PPEF2: variants seen among roughly 807,000 people sequenced by gnomAD.
PPEF2 encodes protein phosphatase with EF-hand domain 2.
PPEF2 carries 84 observed loss-of-function variants against 84.7 expected under a neutral mutation model. The observed-to-expected ratio is 0.99, with a 90% CI of 0.83 to 1.19. The LOEUF (loss-of-function observed/expected upper bound fraction) is 1.19, where lower values mean the gene tolerates loss of function less well. PPEF2 is among the 50% of genes most tolerant of loss of function. PPEF2 has a pLI of 0.00. For synonymous variants in PPEF2, 346 were observed against 345.2 expected, an observed-to-expected ratio of 1.00 and a Z score of -0.03; for missense variants, 924 against 937.5, an observed-to-expected ratio of 0.99 and a Z score of 0.19.
Position 75,890,966 on chromosome 4 carries a change from T to A in PPEF2, c.241+682A>T, listed in dbSNP as rs1724862687. ...GGGAGGCCGAGGCAGGTGGATCGCT[T>A]GAGGCCAGGAGTTCAAGACCAGCCT... On this transcript the variant is annotated intron_variant, in intron 4 of 16. Coordinates refer to ENST00000286719, the MANE Select transcript of PPEF2 (RefSeq NM_006239.3). Among the ~76,000 whole-genome samples, 3 of 152,084 alleles carry A rather than the reference T, an allele frequency of 2.0e-5. No individual in the cohort carries two copies. The South Asian group carries it at 6.2e-4, about 32-fold the overall frequency.
intron 2 of PPEF2, among the ~76,000 whole-genome samples, chr4:75,893,554 C>T (rs1724941254): frequency 6.6e-6 from 1 of 152,132 alleles, no homozygotes; most frequent in South Asian, 2.1e-4. Flanking sequence ...AGGGCTGGTG[C>T]TACAGATTCT....
In PPEF2 at chr4:75,900,175, G is replaced by A. The variant is rs368027839; in HGVS notation, c.-59+2055C>T. 1.2e-4 allele frequency among the ~76,000 whole-genome samples: 18 copies of A among 152,296 alleles called. 1 individual carries two copies. The highest frequency in any genetic ancestry group is 4.1e-4 in the African/African-American group (17 of 41,562). On this transcript the variant is annotated intron_variant, in intron 1 of 16. Transcript: ENST00000286719. ...ATTTCAATGCTGCATGAATCAGCAG[G>A]ATGGATACTGATTATTGCTGGGTCA...
At chr4:75,889,933 C>T (rs779571578) in intron 5 of PPEF2, 24 bp downstream of exon 5, 3 of 1,612,858 alleles carry the variant, frequency 1.9e-6, no homozygotes, top group South Asian at 1.1e-5. Context: ...TTGGTAGTGA[C>T]CCAGGTTCCC....
At chr4:75,894,372 A>T (rs1271715371) in intron 2 of PPEF2, among the ~76,000 whole-genome samples, 5 of 151,824 alleles carry the variant, frequency 3.3e-5, no homozygotes, top group Admixed American at 2.0e-4. Flanking sequence ...TTTAAGGAAA[A>T]TAGAGAGCCT....
intron 13 of PPEF2, among the ~76,000 whole-genome samples, chr4:75,868,315 C>CAAAAAAA (rs10646136): frequency 0.025 from 1,393 of 55,222 alleles, 87 homozygotes; most frequent in East Asian, 0.042. Context: ...GACCCTGTCT[C>CAAAAAAA]AAAAAAAAAA....
chr4:75,888,915 T>TA (rs1426396210), intron 5 of PPEF2, among the ~76,000 whole-genome samples: 2 of 152,178 alleles, frequency 1.3e-5, no homozygotes, highest in Non-Finnish European at 2.9e-5. Flanking sequence ...ATGATTATTT[T>TA]AAAAAACAAG....
At chr4:75,887,063 T>G (rs72651343) in intron 6 of PPEF2, among the ~76,000 whole-genome samples, 165 bp from the exon 7 acceptor site, 1 of 152,200 alleles carries the variant, frequency 6.6e-6, no homozygotes, top group African/African-American at 2.4e-5. Flanking sequence ...ATTGCAGAGA[T>G]AGTATTGAAA....
intron 10 of PPEF2, chr4:75,882,083 T>C (rs973554131): frequency 6.6e-6 from 1 of 152,208 alleles, no homozygotes; most frequent in Non-Finnish European, 1.5e-5. Context: ...AATAGAAATC[T>C]ATTGTTATTG....
chr4:75,895,548 A>G (rs1057479967), intron 2 of PPEF2, among the ~76,000 whole-genome samples: 1 of 151,674 alleles, frequency 6.6e-6, no homozygotes, highest in African/African-American at 2.4e-5. Flanking sequence ...CCTGGTCAAC[A>G]TGGTGAAACC....
In PPEF2 at chr4:75,864,822, G is replaced by A. The variant is rs115172724; in HGVS notation, c.1921-295C>T. Among the ~76,000 whole-genome samples, 1,465 of 152,072 alleles carry A rather than the reference G, an allele frequency of 9.6e-3. 28 individuals are homozygous for A. The highest frequency in any genetic ancestry group is 0.033 in the African/African-American group (1,385 of 41,464). ...AATGTTGTGAATTTTGGATTTTTTC[G>A]GACATTGTAATATTTACATGTACAT... On this transcript the variant is annotated intron_variant, in intron 15 of 16. Transcript: ENST00000286719.
At position 75,860,374 on chromosome 4, in the gene PPEF2, A is replaced by C. The variant is rs1723964423; in HGVS notation, c.*293T>G. ...ACGTATAAAATGAAAACAATGAGAG[A>C]GTTACATTGTCAGTGGTTCTTAACT... On this transcript the variant is annotated 3_prime_UTR_variant, in exon 17 of 17. Coordinates refer to ENST00000286719, the MANE Select transcript of PPEF2 (RefSeq NM_006239.3). 1 of 384,922 alleles carries C rather than the reference A, an allele frequency of 2.6e-6. No individual in the cohort carries two copies. The highest frequency in any genetic ancestry group is 2.0e-5 in the African/African-American group (1 of 49,398). The allele number at this position is 384,922 out of a possible 1,614,324, so 23.8% of individuals were successfully genotyped here.
intron 10 of PPEF2, chr4:75,882,127 C>T (rs929428190): frequency 6.6e-6 from 1 of 152,166 alleles, no homozygotes; most frequent in Admixed American, 6.5e-5. Context: ...ACTCTTCCAC[C>T]TCCAACCCCA....
chr4:75,867,727 C>A (rs1478122802), intron 13 of PPEF2, among the ~76,000 whole-genome samples: 1 of 152,164 alleles, frequency 6.6e-6, no homozygotes, highest in East Asian at 1.9e-4. Context: ...TAAAATGGTA[C>A]CTGTCTCCAC....
Position 75,893,453 on chromosome 4 carries a change from G to A in PPEF2, c.56-1475C>T, listed in dbSNP as rs142665888. On this transcript the variant is annotated intron_variant, in intron 2 of 16. Coordinates refer to ENST00000286719, the MANE Select transcript of PPEF2 (RefSeq NM_006239.3). ...GCAGAGGTTGCAGTGAGCCGAGATC[G>A]TACCACTGCACTTTAGCCTGGGCTA... Among the ~76,000 whole-genome samples, 26 of 151,650 alleles carry A rather than the reference G, an allele frequency of 1.7e-4. 1 individual carries two copies. The highest frequency in any genetic ancestry group is 3.4e-3 in the Middle Eastern group (1 of 294).
intron 10 of PPEF2, among the ~76,000 whole-genome samples, chr4:75,880,901 G>A (rs949772654): frequency 6.6e-6 from 1 of 150,602 alleles, no homozygotes; most frequent in African/African-American, 2.4e-5. Context: ...CTGGGTTCAA[G>A]TGATTCTCCT....
At position 75,888,410 on chromosome 4, in the gene PPEF2, A is replaced by T. The variant is rs991271382; in HGVS notation, c.418-82T>A. The T allele has an allele frequency of 1.2e-5, 12 of 1,019,448 alleles. No homozygotes were observed. The African/African-American group carries it at 1.7e-4, about 15-fold the overall frequency. The allele number at this position is 1,019,448 out of a possible 1,614,324, so 63.2% of individuals were successfully genotyped here. A position where few individuals can be genotyped will look rare whatever the true frequency, so the allele number is the denominator to read the frequency against. On this transcript the variant is annotated intron_variant, in intron 5 of 16. Transcript: ENST00000286719. ...ATGGTCCTTACCTTTACTGCTTAAC[A>T]ACCCCCATCACCTAAGACCCCAAAA... is the stretch of plus-strand genomic sequence containing the variant.
intron 8 of PPEF2, 51 bp from the exon 9 acceptor site, chr4:75,883,253 C>G (rs548383810): frequency 6.6e-7 from 1 of 1,525,228 alleles, no homozygotes; most frequent in African/African-American, 1.4e-5. Flanking sequence ...TGACAATAAT[C>G]AGGGCATAAT....
intron 2 of PPEF2, among the ~76,000 whole-genome samples, chr4:75,895,072 A>G (rs897605364): frequency 4.6e-5 from 7 of 151,838 alleles, no homozygotes; most frequent in Admixed American, 3.3e-4. Flanking sequence ...CTCCCACCTC[A>G]GGCTCCTGAG....
rs539906928 is a variant in PPEF2, at chr4:75,868,944, G to C, written c.1650-1525C>G. Among the ~76,000 whole-genome samples, 52 of 152,202 alleles carry C rather than the reference G, an allele frequency of 3.4e-4. 1 individual carries two copies. Among genetic ancestry groups the C allele is most frequent in the African/African-American group, 1.3e-3 (52 of 41,532 alleles). ...GGATTGCTTGAGCCCAGGAGTTCGA[G>C]GTTACAGTAAGCTATCTATGATCAT... is the stretch of plus-strand genomic sequence containing the variant. On this transcript the variant is annotated intron_variant, in intron 13 of 16. Transcript: ENST00000286719.
Sources: gnomAD v4.1 joint callset for allele counts (sites outside exome capture counted in the v4.1 genomes callset) on GRCh38, gnomAD v4.1.1 for gene constraint, MANE v1.5 for transcripts, NCBI Gene and HGNC (gene_info 2026-07-23, HGNC 2026-07-21) for gene names.